Variants in CACNA2D4 observed in about 807,000 individuals in gnomAD.
CACNA2D4 encodes the protein calcium voltage-gated channel auxiliary subunit alpha2delta 4.
CACNA2D4 carries 157 observed loss-of-function variants against 163.8 expected under a neutral mutation model. The observed-to-expected ratio is 0.96, with a 90% CI of 0.84 to 1.09. CACNA2D4 has a LOEUF of 1.09. Ranked by LOEUF, CACNA2D4 falls within the 50% of genes least tolerant of loss-of-function variation. CACNA2D4 has a pLI of 0.00. For synonymous variants in CACNA2D4, 598 were observed against 586.9 expected (o/e 1.02, Z -0.27); for missense variants, 1,410 against 1,479.9 (o/e 0.95, Z 0.78).
In CACNA2D4 at chr12:1,812,826, G is replaced by A. The variant is rs568485932; in HGVS notation, c.2552-1103C>T. Among the ~76,000 whole-genome samples, 18 of 152,254 alleles carry A rather than the reference G, an allele frequency of 1.2e-4. No homozygotes were observed. The East Asian group carries it at 1.5e-3, about 13-fold the overall frequency. On this transcript the variant is annotated intron_variant, in intron 26 of 37. Transcript: ENST00000382722. ...AAGGAGCGGCGGGCACAGGCAAGCC[G>A]CTGTCTGCTCAGGCTCGGGTTTCCT...
In CACNA2D4 at chr12:1,810,288, C is replaced by G; in HGVS notation, c.2711G>C (p.Arg904Thr). 1.2e-6 allele frequency: 2 copies of G among 1,613,694 alleles called. No homozygotes were observed. The highest frequency in any genetic ancestry group is 1.7e-6 in the Non-Finnish European group (2 of 1,179,598). ...DNNGFILISK[R>T]SRETGRFLGE... ...TCCCCAGTGACTCACCTCTCGGGAC[C>G]TCTTGGAGATCAGAATGAACCCGTT... Residue 904 changes from arginine to threonine, a missense_variant, in exon 29 of 38, where the codon AGG (arginine) becomes ACG (threonine). Arg to Thr is a moderately conservative substitution (Grantham distance 71). Coordinates refer to ENST00000382722, the MANE Select transcript of CACNA2D4 (RefSeq NM_172364.5).
chr12:1,852,867 G>A (rs564538662), intron 23 of CACNA2D4, among the ~76,000 whole-genome samples: 53 of 152,254 alleles, frequency 3.5e-4, no homozygotes, highest in African/African-American at 1.1e-3. Context: ...GACCTCAGGC[G>A]AGTTGCTTGA....
At chr12:1,889,365 G>A (rs1255832175) in intron 6 of CACNA2D4, among the ~76,000 whole-genome samples, 2 of 152,234 alleles carry the variant, frequency 1.3e-5, no homozygotes, top group Non-Finnish European at 2.9e-5. Context: ...ATACTTGTGT[G>A]TCTGATTTGT....
intron 6 of CACNA2D4, among the ~76,000 whole-genome samples, chr12:1,894,408 C>A (rs1014289202): frequency 4.6e-5 from 7 of 152,088 alleles, no homozygotes; most frequent in African/African-American, 1.7e-4. Context: ...ACTCTAATAT[C>A]AAAACCAGAT....
intron 24 of CACNA2D4, among the ~76,000 whole-genome samples, chr12:1,845,232 G>A (rs1365210392): frequency 6.6e-6 from 1 of 152,102 alleles, no homozygotes; most frequent in Non-Finnish European, 1.5e-5. Flanking sequence ...CTGGGTGAAG[G>A]GAGCCCCTGG....
intron 12 of CACNA2D4, 134 bp downstream of exon 12, chr12:1,884,109 C>T: frequency 1.5e-6 from 1 of 650,172 alleles, no homozygotes. Flanking sequence ...GGGACTGAGG[C>T]TGCTGTTCTT....
intron 2 of CACNA2D4, among the ~76,000 whole-genome samples, chr12:1,914,218 C>T (rs1023293315): frequency 1.3e-5 from 2 of 152,188 alleles, no homozygotes; most frequent in East Asian, 1.9e-4. Flanking sequence ...GAAATCATGA[C>T]AATGAAGCTC....
At chr12:1,851,759 A>G (rs539685075) in intron 23 of CACNA2D4, among the ~76,000 whole-genome samples, 2 of 148,486 alleles carry the variant, frequency 1.3e-5, no homozygotes, top group East Asian at 4.1e-4. Context: ...GTTTATCTAG[A>G]TGCAGAAAAA....
rs1864432409 is a variant in CACNA2D4, at chr12:1,828,093, C to A, written c.2551+12646G>T. 6.9e-7 allele frequency: 1 copy of A among 1,456,754 alleles called. No individual in the cohort carries two copies. Among genetic ancestry groups the A allele is most frequent in the African/African-American group, 1.4e-5 (1 of 70,162 alleles). 90.2% of individuals were successfully genotyped at this position (1,456,754 alleles called of 1,614,324 possible). A position where few individuals can be genotyped will look rare whatever the true frequency, so the allele number is the denominator to read the frequency against. ...TCCCTCAGGACTGACAGGCGGCGCACCCAGGGGCTCCTCTCTCCCCAGAGC... is the reference window on the plus strand; with the variant it reads ...TCCCTCAGGACTGACAGGCGGCGCAACCAGGGGCTCCTCTCTCCCCAGAGC... On this transcript the variant is annotated intron_variant, in intron 26 of 37. Coordinates refer to ENST00000382722, the MANE Select transcript of CACNA2D4 (RefSeq NM_172364.5). This position sits in a 1 kb window ranked among gnomAD's most constrained non-coding sequence, Gnocchi z 4.2.
At chr12:1,814,452 A>G (rs1863812069) in intron 26 of CACNA2D4, among the ~76,000 whole-genome samples, 1 of 152,170 alleles carries the variant, frequency 6.6e-6, no homozygotes. Context: ...ACAGAGCGCT[A>G]ATGAGTGCGT....
chr12:1,863,152 T>C (rs974427731), intron 18 of CACNA2D4, among the ~76,000 whole-genome samples: 2 of 152,258 alleles, frequency 1.3e-5, no homozygotes, highest in African/African-American at 2.4e-5. Context: ...CATACATTTA[T>C]TCAGTTGTTC....
In CACNA2D4 at chr12:1,896,639, ACACACACACAC is replaced by A. The variant is rs1866410458; in HGVS notation, c.782-9581_782-9571del. Among the ~76,000 whole-genome samples, 3 of 130,364 alleles carry A rather than the reference ACACACACACAC, an allele frequency of 2.3e-5. 1 individual carries two copies. Among genetic ancestry groups the A allele is most frequent in the African/African-American group, 1.2e-4 (3 of 25,856 alleles). 85.5% of individuals were successfully genotyped at this position (130,364 alleles called of 152,430 possible). ...CACACACACACACACACACACACAC[ACACACACACAC>A]ACACAAAACAGATGCTAGCAAGGAT... On this transcript the variant is annotated intron_variant, in intron 6 of 37. Transcript: ENST00000382722.
intron 3 of CACNA2D4, among the ~76,000 whole-genome samples, chr12:1,910,191 G>A (rs141150741): frequency 7.9e-5 from 12 of 152,374 alleles, no homozygotes; most frequent in South Asian, 2.1e-4. Context: ...GCAGCCCATC[G>A]GCAGAGGCCA....
intron 29 of CACNA2D4, among the ~76,000 whole-genome samples, chr12:1,804,101 G>A (rs950782833): frequency 1.3e-5 from 2 of 150,528 alleles, no homozygotes; most frequent in African/African-American, 2.5e-5. Context: ...GCTGGGGCTC[G>A]CTTTTTGCTA....
chr12:1,871,190 G>C (rs1261931335), intron 18 of CACNA2D4, among the ~76,000 whole-genome samples: 1 of 148,356 alleles, frequency 6.7e-6, no homozygotes, highest in African/African-American at 2.5e-5. Flanking sequence ...TACACGTGTT[G>C]CTGGTGTGTG....
At chr12:1,810,724 G>C (rs1863678248) in intron 27 of CACNA2D4, 137 bp from the exon 28 acceptor site, 2 of 865,174 alleles carry the variant, frequency 2.3e-6, no homozygotes, top group South Asian at 3.0e-5. Context: ...GCACATGGAG[G>C]GCACCTGTGT....
intron 31 of CACNA2D4, chr12:1,800,761 G>A (rs1034495662): frequency 8.4e-6 from 5 of 594,012 alleles, no homozygotes; most frequent in Admixed American, 5.9e-5. Context: ...GGCAGTGTCA[G>A]GGGCTGAGGC....
chr12:1,856,292 T>C (rs1160327213), intron 20 of CACNA2D4, 63 bp from the exon 21 acceptor site: 23 of 1,564,140 alleles, frequency 1.5e-5, no homozygotes, highest in Non-Finnish European at 1.7e-5. Context: ...TGTGTCTCAA[T>C]TGTAGAAACA....
At chr12:1,810,035 C>T (rs1045609707) in intron 29 of CACNA2D4, among the ~76,000 whole-genome samples, 4 of 152,208 alleles carry the variant, frequency 2.6e-5, no homozygotes, top group African/African-American at 9.6e-5. Flanking sequence ...AGGCTAGTGA[C>T]AGATAAAATG....
Sources: gnomAD v4.1 joint callset for allele counts (sites outside exome capture counted in the v4.1 genomes callset) on GRCh38, gnomAD v4.1.1 for gene constraint, Gnocchi (gnomAD v3.1) non-coding constraint, MANE v1.5 for transcripts, NCBI Gene and HGNC (gene_info 2026-07-23, HGNC 2026-07-21) for gene names.